The following RAP1GAP variants were observed in gnomAD, a reference collection of about 807,000 sequenced individuals.
The protein encoded by RAP1GAP is RAP1 GTPase activating protein.
RAP1GAP carries 35 observed loss-of-function variants against 87.2 expected under a neutral mutation model. That is an observed-to-expected ratio of 0.40 (90% CI 0.31 to 0.53). The LOEUF (loss-of-function observed/expected upper bound fraction) is 0.53, where lower values mean the gene tolerates loss of function less well. RAP1GAP is among the 20% of genes least tolerant of loss of function. The pLI, the probability that RAP1GAP is intolerant of heterozygous loss-of-function variation, is 0.48. For missense variants in RAP1GAP, 734 were observed against 898.9 expected, an observed-to-expected ratio of 0.82 and a Z score of 2.35; for synonymous variants, 375 against 363.9, an observed-to-expected ratio of 1.03 and a Z score of -0.35.
intron 2 of RAP1GAP, among the ~76,000 whole-genome samples, chr1:21,632,059 C>T (rs551723806): frequency 9.8e-5 from 15 of 152,320 alleles, no homozygotes; most frequent in Admixed American, 8.5e-4. Context: ...GGAGGTGACC[C>T]GCCCAAGGTC....
At chr1:21,604,525 C>T (rs1341703594) in intron 18 of RAP1GAP, among the ~76,000 whole-genome samples, 1 of 152,120 alleles carries the variant, frequency 6.6e-6, no homozygotes, top group Non-Finnish European at 1.5e-5. Flanking sequence ...CGGTTACTGC[C>T]ATGGTGGGTG....
At chr1:21,604,526 A>C in intron 18 of RAP1GAP, among the ~76,000 whole-genome samples, 1 of 152,156 alleles carries the variant, frequency 6.6e-6, no homozygotes, top group Non-Finnish European at 1.5e-5. Context: ...GGTTACTGCC[A>C]TGGTGGGTGC....
At chr1:21,664,668 T>C (rs1038353894) in intron 1 of RAP1GAP, among the ~76,000 whole-genome samples, 1 of 152,242 alleles carries the variant, frequency 6.6e-6, no homozygotes. Context: ...CACCTGGTGA[T>C]AGCCATGCCA....
intron 2 of RAP1GAP, among the ~76,000 whole-genome samples, chr1:21,637,413 C>T (rs778511823): frequency 3.3e-5 from 5 of 152,160 alleles, no homozygotes; most frequent in African/African-American, 4.8e-5. Flanking sequence ...CTCAGCCTCC[C>T]AAAGTGCTGG....
At chr1:21,638,471 AAGAG>A (rs1491431136) in intron 2 of RAP1GAP, among the ~76,000 whole-genome samples, 1 of 150,778 alleles carries the variant, frequency 6.6e-6, no homozygotes, top group South Asian at 2.1e-4. Flanking sequence ...AAAAAAAAAA[AAGAG>A]AGAGAGAAAA....
intron 19 of RAP1GAP, among the ~76,000 whole-genome samples, chr1:21,602,160 T>C (rs1365354394): frequency 1.3e-5 from 2 of 152,166 alleles, no homozygotes; most frequent in Non-Finnish European, 2.9e-5. Flanking sequence ...GCAAGGACAA[T>C]GCCCACTCCC....
At chr1:21,656,440 A>AC (rs2096867014) in intron 1 of RAP1GAP, among the ~76,000 whole-genome samples, 1 of 151,680 alleles carries the variant, frequency 6.6e-6, no homozygotes, top group Non-Finnish European at 1.5e-5. Flanking sequence ...AAAAAAAAAA[A>AC]AAAAAAAAAA....
At position 21,657,066 on chromosome 1, in the gene RAP1GAP, C is replaced by T. The variant is rs114587178; in HGVS notation, c.-148-7270G>A. Among the ~76,000 whole-genome samples, 376 of 152,376 alleles carry T rather than the reference C, an allele frequency of 2.5e-3. 2 individuals carry two copies. Among genetic ancestry groups the T allele is most frequent in the African/African-American group, 8.6e-3 (358 of 41,586 alleles). On this transcript the variant is annotated intron_variant, in intron 1 of 24. Coordinates refer to ENST00000374765, the MANE Select transcript of RAP1GAP (RefSeq NM_002885.4). ...GTCTCTGGTAGACCTGTGTGCACAA[C>T]TGCACACAAACTTTCCCAGGTCACA...
At position 21,622,264 on chromosome 1, in the gene RAP1GAP, C is replaced by T. The variant is rs2088592276; in HGVS notation, c.-18-2214G>A. The T allele has an allele frequency of 4.7e-6, 2 of 423,084 alleles. No individual in the cohort carries two copies. The highest frequency in any genetic ancestry group is 2.1e-5 in the African/African-American group (1 of 47,566). The allele number at this position is 423,084 out of a possible 1,614,324, so 26.2% of individuals were successfully genotyped here. The stretch of plus-strand genomic sequence containing the variant: ...CCGCCCGCCCTGGCTGGGGCAGAGC[C>T]GGCCGGGCTCCCCAGCAGTCGGGGT... On this transcript the variant is annotated intron_variant, in intron 3 of 24. Transcript: ENST00000374765. This position sits in a 1 kb window ranked among gnomAD's most constrained non-coding sequence, Gnocchi z 5.7.
intron 1 of RAP1GAP, chr1:21,651,837 C>CGCCCG (rs1032984228): frequency 9.4e-6 from 11 of 1,176,040 alleles, no homozygotes; most frequent in Middle Eastern, 3.4e-4. Flanking sequence ...CCGCCGCCGC[C>CGCCCG]GCCCGGCCCG....
intron 1 of RAP1GAP, among the ~76,000 whole-genome samples, chr1:21,652,129 C>T (rs1307297969): frequency 1.3e-5 from 2 of 149,692 alleles, no homozygotes; most frequent in Non-Finnish European, 3.0e-5. Context: ...CGCCGCCCCC[C>T]GTCCAGGCCG....
At chr1:21,601,504 G>A (rs552467441) in intron 20 of RAP1GAP, among the ~76,000 whole-genome samples, 180 bp downstream of exon 20, 8 of 152,362 alleles carry the variant, frequency 5.3e-5, no homozygotes, top group Admixed American at 2.0e-4. Context: ...GCGGGGCTGG[G>A]CGTGCACAAA....
At chr1:21,604,667 GT>G (rs2072457435) in intron 18 of RAP1GAP, among the ~76,000 whole-genome samples, 1 of 152,056 alleles carries the variant, frequency 6.6e-6, no homozygotes. Context: ...GCATGACAGT[GT>G]GCTTGGTGAC....
chr1:21,619,056 TCATC>T lies in RAP1GAP; in HGVS notation c.31_34del (p.Asp11AsnfsTer68). On this transcript the variant is annotated frameshift_variant, in exon 5 of 25. Transcript: ENST00000374765. LOFTEE classifies it high-confidence loss of function. ...GGGCGGCGGGAAGGAGCAGCGTTGTTCATCCATCCTGCTTCCCTGTAAGAGAAGG... is the reference window on the plus strand; with the variant it reads ...GGGCGGCGGGAAGGAGCAGCGTTGTTCATCCTGCTTCCCTGTAAGAGAAGG... 4 of 1,601,916 alleles carry T rather than the reference TCATC, an allele frequency of 2.5e-6. No individual in the cohort carries two copies. Among genetic ancestry groups the T allele is most frequent in the Non-Finnish European group, 3.4e-6 (4 of 1,173,542 alleles).
At position 21,603,344 on chromosome 1, in the gene RAP1GAP, A is replaced by G. The variant is rs1570475036; in HGVS notation, c.1429-431T>C. 1 of 398,696 alleles carries G rather than the reference A, an allele frequency of 2.5e-6. No homozygotes were observed. 24.7% of individuals were successfully genotyped at this position (398,696 alleles called of 1,614,324 possible). ...CCGGAACCTCCAAATTGGCTGGGGG[A>G]GGTTCTGGCCCAGCAGCTGGAAGAC... On this transcript the variant is annotated intron_variant, in intron 18 of 24. Transcript: ENST00000374765. The surrounding 1 kb of genome is among the most constrained non-coding windows in gnomAD (Gnocchi z 6.0).
intron 5 of RAP1GAP, 103 bp from the exon 6 acceptor site, chr1:21,618,075 G>A: frequency 1.4e-6 from 2 of 1,386,436 alleles, no homozygotes; most frequent in Non-Finnish European, 1.0e-6. Flanking sequence ...AGTGCGGATG[G>A]GGCCCTGGCC....
chr1:21,665,009 C>T (rs559172247), intron 1 of RAP1GAP, among the ~76,000 whole-genome samples: 1 of 152,308 alleles, frequency 6.6e-6, no homozygotes, highest in Admixed American at 6.5e-5. Flanking sequence ...CAAAGTCACA[C>T]AGCAGAGACT....
chr1:21,616,899 T>G (rs1394011722), intron 7 of RAP1GAP, among the ~76,000 whole-genome samples: 2 of 152,196 alleles, frequency 1.3e-5, no homozygotes, highest in Admixed American at 6.5e-5. Flanking sequence ...GTAAAGACCT[T>G]ACAGATATCA....
At position 21,603,214 on chromosome 1, in the gene RAP1GAP, C is replaced by T. The variant is rs1012939898; in HGVS notation, c.1429-301G>A. The stretch of plus-strand genomic sequence containing the variant: ...GGAGGCCGAGTCCTCAGAATGGCTA[C>T]CGCTCCCCGCCCCCCAGGGCTCTGT... On this transcript the variant is annotated intron_variant, in intron 18 of 24. Coordinates refer to ENST00000374765, the MANE Select transcript of RAP1GAP (RefSeq NM_002885.4). The surrounding 1 kb of genome is among the most constrained non-coding windows in gnomAD (Gnocchi z 6.0). 8 of 419,220 alleles carry T rather than the reference C, an allele frequency of 1.9e-5. No homozygotes were observed. The highest frequency in any genetic ancestry group is 4.0e-5 in the African/African-American group (2 of 49,726). The allele number at this position is 419,220 out of a possible 1,614,324, so 26.0% of individuals were successfully genotyped here.
Sources: gnomAD v4.1 joint callset for allele counts (sites outside exome capture counted in the v4.1 genomes callset) on GRCh38, gnomAD v4.1.1 for gene constraint, Gnocchi (gnomAD v3.1) non-coding constraint, MANE v1.5 for transcripts, NCBI Gene and HGNC (gene_info 2026-07-23, HGNC 2026-07-21) for gene names.